Variants in UBR3 observed in about 807,000 individuals in gnomAD.
UBR3 encodes E3 ubiquitin-protein ligase UBR3.
A neutral mutation model predicts 243.2 loss-of-function variants in UBR3; 85 were observed. The ratio of observed to expected loss-of-function variants is 0.35; its 90% CI spans 0.29 to 0.42. The LOEUF (loss-of-function observed/expected upper bound fraction) is 0.42, where lower values mean the gene tolerates loss of function less well. UBR3 is among the 10% of genes least tolerant of loss of function. The probability of loss-of-function intolerance (pLI) is 1.00; values close to 1 mark genes in which losing one functional copy is unlikely to be tolerated. For missense variants in UBR3, 1,686 were observed against 2,300.8 expected (o/e 0.73, Z 5.47); for synonymous variants, 748 against 799.8 (o/e 0.94, Z 1.09).
chr2:170,057,379 A>G (rs1377036637), intron 33 of UBR3, among the ~76,000 whole-genome samples: 1 of 152,144 alleles, frequency 6.6e-6, no homozygotes, highest in Non-Finnish European at 1.5e-5. Flanking sequence ...TTGGCCTCCC[A>G]AAGTGCTGGG....
Position 169,947,661 on chromosome 2 carries a change from A to G in UBR3, c.3030A>G (p.Glu1010=), listed in dbSNP as rs1415567339. The G allele has an allele frequency of 4.5e-6, 7 of 1,539,340 alleles. No homozygotes were observed. Among genetic ancestry groups the G allele is most frequent in the Non-Finnish European group, 6.1e-6 (7 of 1,141,298 alleles). ...VRVRVPETAP[E]VKRDSPASTS... ...TAAGAGTTCCAGAGACTGCTCCTGA[A>G]GTAAAGAGAGACTCACCTGCAAGTA... Residue 1010 remains glutamate (E), a synonymous_variant, in exon 22 of 39, where the codon GAA becomes GAG. Transcript: ENST00000272793.
chr2:170,060,970 T>C, intron 33 of UBR3, 109 bp from the exon 34 acceptor site: 1 of 756,606 alleles, frequency 1.3e-6, no homozygotes, highest in Non-Finnish European at 2.0e-6. Flanking sequence ...GCTCATATGC[T>C]TGAAAAATAA....
At chr2:169,967,101 T>C (rs1187183824) in intron 24 of UBR3, among the ~76,000 whole-genome samples, 1 of 152,182 alleles carries the variant, frequency 6.6e-6, no homozygotes, top group South Asian at 2.1e-4. Flanking sequence ...CACATACAGA[T>C]GCCTAGGCTT....
Position 169,927,389 on chromosome 2 carries a change from G to A in UBR3, c.2408G>A (p.Ser803Asn). The A allele has an allele frequency of 6.5e-7, 1 of 1,549,778 alleles. No homozygotes were observed. The highest frequency in any genetic ancestry group is 8.7e-7 in the Non-Finnish European group (1 of 1,146,072). Residue 803 changes from serine (S) to asparagine (N), a missense_variant, in exon 17 of 39, where the codon AGT becomes AAT. Physicochemically the swap from Ser to Asn is conservative, Grantham distance 46. Around this residue, in one of 8 missense-constraint regions of UBR3, gnomAD observed 346 missense variants for 585.8 expected, o/e 0.59. Transcript: ENST00000272793. Reference protein sequence around the residue: ...AQLCMNDRTHSSLLDLIPENP... With the variant: ...AQLCMNDRTHNSLLDLIPENP... ...CTGTGTATGAATGACAGGACACACA[G>A]TTCATTGCTGGACCTCATATCCTTT...
At chr2:169,837,274 C>G (rs1215398105) in intron 1 of UBR3, among the ~76,000 whole-genome samples, 10 of 152,148 alleles carry the variant, frequency 6.6e-5, no homozygotes, top group Admixed American at 6.5e-4. Context: ...GTCGGGAGTT[C>G]GAGACCAGCC....
intron 6 of UBR3, among the ~76,000 whole-genome samples, chr2:169,892,771 G>A (rs1183901601): frequency 3.3e-5 from 5 of 152,070 alleles, no homozygotes; most frequent in Admixed American, 2.0e-4. Context: ...ATATGTAATG[G>A]TAAGGAAGAG....
intron 1 of UBR3, among the ~76,000 whole-genome samples, chr2:169,838,756 C>T (rs921784856): frequency 2.0e-5 from 3 of 152,172 alleles, no homozygotes; most frequent in Non-Finnish European, 2.9e-5. Context: ...CTAGCACCAG[C>T]TCAAAAGTCT....
chr2:170,061,044 A>C, intron 33 of UBR3, 35 bp from the exon 34 acceptor site: 1 of 1,332,838 alleles, frequency 7.5e-7, no homozygotes, highest in Non-Finnish European at 1.0e-6. Flanking sequence ...TATAATTTTC[A>C]GTGACCAGTG....
intron 1 of UBR3, among the ~76,000 whole-genome samples, chr2:169,851,108 C>T (rs2082641555): frequency 6.6e-6 from 1 of 152,046 alleles, no homozygotes; most frequent in Non-Finnish European, 1.5e-5. Flanking sequence ...TTAACGTCTA[C>T]CACCTTGCTA....
intron 1 of UBR3, among the ~76,000 whole-genome samples, chr2:169,847,209 T>G (rs1333713501): frequency 6.6e-6 from 1 of 151,930 alleles, no homozygotes; most frequent in Non-Finnish European, 1.5e-5. Context: ...CCATTTACAT[T>G]TAAAACAATT....
chr2:169,954,334 A>G (rs986441509), intron 23 of UBR3, among the ~76,000 whole-genome samples: 5 of 151,870 alleles, frequency 3.3e-5, no homozygotes, highest in Admixed American at 2.6e-4. Context: ...TTGACCTCCT[A>G]GGCTCAAGTG....
At chr2:169,951,247 T>C (rs923176148) in intron 23 of UBR3, among the ~76,000 whole-genome samples, 1 of 152,204 alleles carries the variant, frequency 6.6e-6, no homozygotes, top group Non-Finnish European at 1.5e-5. Flanking sequence ...ATACATTATT[T>C]AGCAGTTTGA....
chr2:169,864,950 A>G (rs2083207249), intron 1 of UBR3, among the ~76,000 whole-genome samples: 2 of 149,712 alleles, frequency 1.3e-5, no homozygotes, highest in Admixed American at 6.6e-5. Context: ...GCTGGGTGTC[A>G]TGGCACATGC....
At chr2:169,851,258 A>C (rs1368676996) in intron 1 of UBR3, among the ~76,000 whole-genome samples, 2 of 152,046 alleles carry the variant, frequency 1.3e-5, no homozygotes, top group Admixed American at 6.6e-5. Context: ...CTGAGTAGCT[A>C]GGAACACAGG....
chr2:169,955,967 TTG>T (rs769358965), intron 23 of UBR3, among the ~76,000 whole-genome samples: 5 of 151,560 alleles, frequency 3.3e-5, no homozygotes, highest in Admixed American at 6.6e-5. Context: ...CTGGGGAAAA[TTG>T]TGTGTGTGTT....
At chr2:169,998,206 A>T (rs1465040796) in intron 26 of UBR3, among the ~76,000 whole-genome samples, 2 of 152,266 alleles carry the variant, frequency 1.3e-5, no homozygotes, top group Admixed American at 1.3e-4. Flanking sequence ...AAAACTTTTT[A>T]AAAATTCAAT....
chr2:170,006,447 T>C (rs2089913804), intron 27 of UBR3, among the ~76,000 whole-genome samples: 1 of 152,196 alleles, frequency 6.6e-6, no homozygotes, highest in African/African-American at 2.4e-5. Context: ...GTCAAAGTAC[T>C]TGAGATGCAA....
chr2:169,986,638 C>T lies in UBR3; in HGVS notation c.3635-7C>T. 1 of 1,597,172 alleles carries T rather than the reference C, an allele frequency of 6.3e-7. No individual in the cohort carries two copies. The highest frequency in any genetic ancestry group is 8.5e-7 in the Non-Finnish European group (1 of 1,173,592). On this transcript the variant is annotated splice_region_variant and splice_polypyrimidine_tract_variant and intron_variant, in intron 24 of 38. Transcript: ENST00000272793. The stretch of plus-strand genomic sequence containing the variant: ...GGAATTAAAGAGATGTAACTTTTTT[C>T]CCTCAGATTCTCCTGAGAATGATAT...
chr2:169,893,802 T>C (rs980827095), intron 6 of UBR3, among the ~76,000 whole-genome samples: 40 of 152,278 alleles, frequency 2.6e-4, no homozygotes, highest in African/African-American at 9.4e-4. Flanking sequence ...GCTCAAGCCA[T>C]GTGCCCACCT....
Sources: allele counts gnomAD v4.1 joint callset (sites outside exome capture counted in the v4.1 genomes callset), GRCh38; gene constraint gnomAD v4.1.1; regional missense constraint gnomAD v4.1.1; transcripts MANE v1.5; gene names NCBI Gene and HGNC (gene_info 2026-07-23, HGNC 2026-07-21).